CEP112: variants seen among roughly 807,000 people sequenced by gnomAD.
The protein encoded by CEP112 is centrosomal protein 112.
CEP112 carries 127 observed loss-of-function variants against 153.0 expected under a neutral mutation model. That is an observed-to-expected ratio of 0.83 (90% confidence interval 0.72 to 0.96). The LOEUF (loss-of-function observed/expected upper bound fraction) is 0.96. Ranked by LOEUF, CEP112 falls within the 40% of genes least tolerant of loss-of-function variation. The probability of loss-of-function intolerance (pLI) is 0.00; values close to 1 mark genes in which losing one functional copy is unlikely to be tolerated. For missense variants in CEP112, 1,089 were observed against 1,101.2 expected (o/e 0.99, Z 0.16); for synonymous variants, 358 against 374.4 (o/e 0.96, Z 0.51).
At chr17:66,018,442 G>C (rs1193245317) in intron 16 of CEP112, among the ~76,000 whole-genome samples, 1 of 152,146 alleles carries the variant, frequency 6.6e-6, no homozygotes, top group Non-Finnish European at 1.5e-5. Context: ...AGTGCACAGA[G>C]GAGGTACTGA....
chr17:65,803,386 A>G (rs1225403459), intron 21 of CEP112, among the ~76,000 whole-genome samples: 1 of 152,254 alleles, frequency 6.6e-6, no homozygotes, highest in Non-Finnish European at 1.5e-5. Context: ...AGAAATGAAG[A>G]TTAGAGTGGA....
intron 9 of CEP112, among the ~76,000 whole-genome samples, chr17:66,069,226 A>G (rs1209437502): frequency 6.6e-6 from 1 of 152,022 alleles, no homozygotes; most frequent in Non-Finnish European, 1.5e-5. Flanking sequence ...TTAAATGCAA[A>G]GTTTCCATTT....
Position 66,029,229 on chromosome 17 carries a change from T to C in CEP112, c.1397A>G (p.Lys466Arg). ...KARRNTLHKEKDHLVNDYEQN... is the reference protein window; with the variant it reads ...KARRNTLHKERDHLVNDYEQN... ...CTCATAATCATTTACAAGATGGTCC[T>C]TCTCTTTATGCAGTGTGTTACGCCT... The change falls in exon 14 of 27, where the codon AAG becomes AGG. Residue 466 changes from lysine (K) to arginine (R), a missense_variant. Physicochemically the swap from Lys to Arg is conservative, Grantham distance 26. Coordinates refer to ENST00000535342, the MANE Select transcript of CEP112 (RefSeq NM_001199165.4). The C allele has an allele frequency of 6.2e-7, 1 of 1,611,934 alleles. No homozygotes were observed. Among genetic ancestry groups the C allele is most frequent in the Non-Finnish European group, 8.5e-7 (1 of 1,178,520 alleles).
At chr17:65,760,833 C>G (rs1232980572) in intron 21 of CEP112, among the ~76,000 whole-genome samples, 1 of 151,930 alleles carries the variant, frequency 6.6e-6, no homozygotes, top group Non-Finnish European at 1.5e-5. Flanking sequence ...ATAATTTCTT[C>G]CTTAAAAGTT....
intron 12 of CEP112, among the ~76,000 whole-genome samples, chr17:66,035,708 G>A (rs2065708991): frequency 1.3e-5 from 2 of 152,136 alleles, no homozygotes; most frequent in African/African-American, 2.4e-5. Flanking sequence ...AGAGAAAATG[G>A]TGAATAGGAG....
At chr17:66,005,822 CAA>C in intron 16 of CEP112, 53 bp from the exon 17 acceptor site, 1 of 1,450,614 alleles carries the variant, frequency 6.9e-7, no homozygotes, top group Non-Finnish European at 9.4e-7. Context: ...AAGTTTACTT[CAA>C]AGAGACATAC....
rs139657180 is a variant in CEP112 at position 65,714,658 on chromosome 17, T to G, written c.2608-25440A>C. 8.2e-4 allele frequency among the ~76,000 whole-genome samples: 125 copies of G among 152,280 alleles called. 2 individuals are homozygous for G. The East Asian group carries it at 0.011, about 13-fold the overall frequency. On this transcript the variant is annotated intron_variant, in intron 23 of 26. Coordinates refer to ENST00000535342, the MANE Select transcript of CEP112 (RefSeq NM_001199165.4). ...TTCTCTCCTAGCTTCACCTCCATTT[T>G]GGAAACCCATTCAACTACTCACAAC...
At position 65,637,131 on chromosome 17, in the gene CEP112, C is replaced by T; in HGVS notation, c.2857G>A (p.Gly953Ser). The T allele has an allele frequency of 6.2e-7, 1 of 1,613,760 alleles. No homozygotes were observed. Among genetic ancestry groups the T allele is most frequent in the Non-Finnish European group, 8.5e-7 (1 of 1,179,658 alleles). Residue 953 changes from glycine to serine, a missense_variant, in exon 26 of 27, where the codon GGC (glycine) becomes AGC (serine). Physicochemically the swap from Gly to Ser is moderately conservative, Grantham distance 56. Transcript: ENST00000535342. ...CCTGCTTATGGGCTGTACCTTCTGC[C>T]TTGATATGTAGTCAGTTCTTCCTGA... ...ILQEELTTYQ[G>S]RR
intron 23 of CEP112, among the ~76,000 whole-genome samples, chr17:65,726,154 C>CA (rs2050168349): frequency 6.6e-6 from 1 of 151,976 alleles, no homozygotes; most frequent in Admixed American, 6.6e-5. Context: ...GCCTGGCCAA[C>CA]ATGGTGAAAC....
At chr17:65,652,496 T>C (rs1393838740) in intron 24 of CEP112, among the ~76,000 whole-genome samples, 1 of 152,036 alleles carries the variant, frequency 6.6e-6, no homozygotes, top group South Asian at 2.1e-4. Flanking sequence ...CATTATATTA[T>C]GTATATAGCA....
intron 23 of CEP112, among the ~76,000 whole-genome samples, chr17:65,739,605 G>A (rs987127898): frequency 6.6e-6 from 1 of 151,962 alleles, no homozygotes; most frequent in African/African-American, 2.4e-5. Context: ...GCGTGGTGGT[G>A]GGCACCTGTA....
intron 22 of CEP112, 66 bp downstream of exon 22, chr17:65,750,596 C>CT: frequency 7.4e-7 from 1 of 1,358,742 alleles, no homozygotes; most frequent in South Asian, 1.2e-5. Flanking sequence ...AGTGCCAAGG[C>CT]TTTTATGTGG....
Position 65,928,060 on chromosome 17 carries a change from G to A in CEP112, c.1873-371C>T, listed in dbSNP as rs192412449. ...AAGAGACATATCTTGAATATATAAAGAACTCTTATAGCCCAATAATAAATG... is the reference window on the plus strand; with the variant it reads ...AAGAGACATATCTTGAATATATAAAAAACTCTTATAGCCCAATAATAAATG... On this transcript the variant is annotated intron_variant, in intron 18 of 26. Coordinates refer to ENST00000535342, the MANE Select transcript of CEP112 (RefSeq NM_001199165.4). 3.2e-3 allele frequency among the ~76,000 whole-genome samples: 493 copies of A among 152,050 alleles called. 2 individuals are homozygous for A. Among genetic ancestry groups the A allele is most frequent in the African/African-American group, 0.011 (461 of 41,474 alleles).
chr17:65,763,332 A>G (rs2052728718), intron 21 of CEP112, among the ~76,000 whole-genome samples: 1 of 151,878 alleles, frequency 6.6e-6, no homozygotes, highest in Admixed American at 6.6e-5. Flanking sequence ...TTCTGAGCTT[A>G]CAGATCTGTG....
At chr17:65,686,068 G>C (rs977019727) in intron 24 of CEP112, among the ~76,000 whole-genome samples, 1 of 138,852 alleles carries the variant, frequency 7.2e-6, no homozygotes, top group African/African-American at 2.6e-5. Context: ...AATAGTATTT[G>C]TTAAATATCT....
intron 24 of CEP112, chr17:65,654,927 C>A (rs187629732): frequency 3.3e-6 from 2 of 602,478 alleles, no homozygotes; most frequent in Non-Finnish European, 6.4e-6. Flanking sequence ...ACTCGGACAG[C>A]GATCCATCCT....
At chr17:65,704,171 A>G (rs2048787151) in intron 23 of CEP112, among the ~76,000 whole-genome samples, 1 of 152,044 alleles carries the variant, frequency 6.6e-6, no homozygotes, top group African/African-American at 2.4e-5. Flanking sequence ...ATGGACACCA[A>G]GGATTGCTGG....
At chr17:65,793,186 A>G (rs549823455) in intron 21 of CEP112, among the ~76,000 whole-genome samples, 29 of 152,210 alleles carry the variant, frequency 1.9e-4, no homozygotes, top group Non-Finnish European at 4.1e-4. Flanking sequence ...TTAGCACTGA[A>G]TAATATTCCA....
At chr17:65,682,035 A>G (rs1248775372) in intron 24 of CEP112, among the ~76,000 whole-genome samples, 1 of 150,454 alleles carries the variant, frequency 6.6e-6, no homozygotes, top group East Asian at 2.0e-4. Flanking sequence ...ACTCTGTCAC[A>G]CAGGCTGGAG....
Sources: gnomAD v4.1 joint callset for allele counts (sites outside exome capture counted in the v4.1 genomes callset) on GRCh38, gnomAD v4.1.1 for gene constraint, MANE v1.5 for transcripts, NCBI Gene and HGNC (gene_info 2026-07-23, HGNC 2026-07-21) for gene names.